The following TBX15 variants were observed in gnomAD, a reference collection of about 807,000 sequenced individuals.
TBX15 encodes T-box transcription factor TBX15.
In TBX15, 18 loss-of-function variants were observed where a neutral mutation model predicts 53.9. The observed-to-expected ratio is 0.33, with a 90% CI of 0.23 to 0.49. The LOEUF is 0.49. Ranked by LOEUF, TBX15 falls within the 20% of genes least tolerant of loss-of-function variation. TBX15 has a pLI of 0.98. For synonymous variants in TBX15, 295 were observed against 278.0 expected, an observed-to-expected ratio of 1.06 and a Z score of -0.61; for missense variants, 692 against 749.5, an observed-to-expected ratio of 0.92 and a Z score of 0.90.
At chr1:118,919,959 T>C (rs1303835594) in intron 5 of TBX15, among the ~76,000 whole-genome samples, 2 of 152,176 alleles carry the variant, frequency 1.3e-5, no homozygotes, top group African/African-American at 2.4e-5. Context: ...AAAGTACCCA[T>C]ATTTCTTTAT....
At chr1:118,979,135 G>C (rs1463869086) in intron 1 of TBX15, among the ~76,000 whole-genome samples, 1 of 152,184 alleles carries the variant, frequency 6.6e-6, no homozygotes, top group Non-Finnish European at 1.5e-5. Flanking sequence ...GTTCTTAAAA[G>C]AACGCAGTTA....
chr1:118,915,514 A>G (rs10802064), intron 5 of TBX15, among the ~76,000 whole-genome samples: 42,300 of 152,136 alleles, frequency 0.28, 6,296 homozygotes, highest in Non-Finnish European at 0.33. Flanking sequence ...ATTATGCAGC[A>G]CCAACAATGT....
intron 1 of TBX15, among the ~76,000 whole-genome samples, chr1:118,953,809 A>G (rs889603974): frequency 2.6e-5 from 4 of 152,236 alleles, no homozygotes; most frequent in Non-Finnish European, 2.9e-5. Context: ...AAAGGTAGAC[A>G]TTATTTCAGC....
At chr1:118,965,818 T>G (rs1245820899) in intron 1 of TBX15, among the ~76,000 whole-genome samples, 1 of 152,232 alleles carries the variant, frequency 6.6e-6, no homozygotes, top group East Asian at 1.9e-4. Flanking sequence ...TTATAAAGTC[T>G]AAAGTACTAT....
intron 2 of TBX15, among the ~76,000 whole-genome samples, 173 bp from the exon 3 acceptor site, chr1:118,926,784 C>A (rs1414386801): frequency 6.6e-6 from 1 of 152,122 alleles, no homozygotes; most frequent in Non-Finnish European, 1.5e-5. Flanking sequence ...TGGCTCACTG[C>A]CACCTCCACC....
At chr1:118,904,938 T>G (rs1324191554) in intron 6 of TBX15, among the ~76,000 whole-genome samples, 2 of 152,194 alleles carry the variant, frequency 1.3e-5, no homozygotes, top group African/African-American at 2.4e-5. Context: ...AGTCTGCCTA[T>G]CTGTAAAATG....
intron 7 of TBX15, among the ~76,000 whole-genome samples, chr1:118,890,023 G>C (rs975224099): frequency 1.3e-5 from 2 of 152,154 alleles, no homozygotes; most frequent in Non-Finnish European, 2.9e-5. Flanking sequence ...ATGGCTCTGC[G>C]GTGTTGGCCT....
chr1:118,884,622 A>C lies in TBX15; in HGVS notation c.*110T>G, dbSNP rs574621171. ...TTCGGCCAGAAAAAAAAAAAAAAAA[A>C]AAACACGGTTCCTGTTTTTCAAAGA... On this transcript the variant is annotated 3_prime_UTR_variant, in exon 8 of 8. Transcript: ENST00000369429. 2.0e-5 allele frequency: 28 copies of C among 1,376,600 alleles called. No homozygotes were observed. In the East Asian group the frequency reaches 3.1e-4, roughly 15 times the overall value. The allele number at this position is 1,376,600 out of a possible 1,614,324, so 85.3% of individuals were successfully genotyped here.
chr1:118,963,601 T>C (rs1365787383), intron 1 of TBX15, among the ~76,000 whole-genome samples: 1 of 152,212 alleles, frequency 6.6e-6, no homozygotes, highest in Non-Finnish European at 1.5e-5. Flanking sequence ...AAGCCATGTG[T>C]TGAGATGGTG....
In TBX15 at chr1:118,907,822, C is replaced by T. The variant is rs142343366; in HGVS notation, c.926+6293G>A. Among the ~76,000 whole-genome samples the T allele has an allele frequency of 1.9e-3, 292 of 152,246 alleles. 1 individual carries two copies. The highest frequency in any genetic ancestry group is 6.5e-3 in the African/African-American group (268 of 41,538). Reference sequence around the variant, plus strand: ...ACTGGGTGTCCTTTCTCAACCAAACCTCATTCTGCTTTAGCTCAGTCTCTG... The same window carrying T: ...ACTGGGTGTCCTTTCTCAACCAAACTTCATTCTGCTTTAGCTCAGTCTCTG... On this transcript the variant is annotated intron_variant, in intron 6 of 7. Coordinates refer to ENST00000369429, the MANE Select transcript of TBX15 (RefSeq NM_001330677.2).
intron 1 of TBX15, among the ~76,000 whole-genome samples, chr1:118,965,398 G>A (rs931635433): frequency 2.0e-5 from 3 of 152,126 alleles, no homozygotes; most frequent in Non-Finnish European, 4.4e-5. Context: ...CAAATACAAG[G>A]GTATTAGGTA....
chr1:118,921,098 G>C lies in TBX15; in HGVS notation c.861+2338C>G, dbSNP rs533545587. ...GAAAGCTGACACAGGAGGATGGCTTGATCCCAGGAGGCCAGGGCTGCAGTG... is the reference window on the plus strand; with the variant it reads ...GAAAGCTGACACAGGAGGATGGCTTCATCCCAGGAGGCCAGGGCTGCAGTG... On this transcript the variant is annotated intron_variant, in intron 5 of 7. Transcript: ENST00000369429. Among the ~76,000 whole-genome samples the C allele has an allele frequency of 2.6e-5, 4 of 152,144 alleles. No homozygotes were observed. The South Asian group carries it at 8.3e-4, about 32-fold the overall frequency.
chr1:118,884,910 CAGAGT>C lies in TBX15; in HGVS notation c.1626_1630del (p.Leu543PhefsTer26). The C allele has an allele frequency of 6.2e-7, 1 of 1,614,206 alleles. No individual in the cohort carries two copies. The highest frequency in any genetic ancestry group is 8.5e-7 in the Non-Finnish European group (1 of 1,180,030). Reference sequence around the variant, plus strand: ...AAAGGCCCCGTTGGAAGGAGAAGAACAGAGTAAAGTGCTTTGAGAGGCGCTCAGTT... The same window carrying C: ...AAAGGCCCCGTTGGAAGGAGAAGAACAAAGTGCTTTGAGAGGCGCTCAGTT... On this transcript the variant is annotated frameshift_variant, in exon 8 of 8. Transcript: ENST00000369429. LOFTEE classifies it high-confidence loss of function.
Position 118,958,682 on chromosome 1 carries a change from A to G in TBX15, c.206-26850T>C, listed in dbSNP as rs150781127. The stretch of plus-strand genomic sequence containing the variant: ...CATATTCCCACCAGCCCCACCTCCC[A>G]CCTCCCAGAGAAGTAGCTAAACCTC... On this transcript the variant is annotated intron_variant, in intron 1 of 7. Coordinates refer to ENST00000369429, the MANE Select transcript of TBX15 (RefSeq NM_001330677.2). 5.2e-3 allele frequency among the ~76,000 whole-genome samples: 783 copies of G among 151,678 alleles called. 5 individuals carry two copies. The highest frequency in any genetic ancestry group is 0.018 in the African/African-American group (750 of 41,302).
intron 1 of TBX15, among the ~76,000 whole-genome samples, chr1:118,952,170 A>G (rs1174021162): frequency 5.9e-5 from 9 of 152,218 alleles, no homozygotes; most frequent in Non-Finnish European, 1.3e-4. Context: ...TTTCTCTTCC[A>G]TGAGGTTTTC....
intron 7 of TBX15, among the ~76,000 whole-genome samples, chr1:118,894,085 G>A (rs1053221123): frequency 2.0e-5 from 3 of 152,172 alleles, no homozygotes; most frequent in African/African-American, 7.2e-5. Context: ...TAAGCACTAA[G>A]AAGGCAAGTG....
intron 1 of TBX15, among the ~76,000 whole-genome samples, chr1:118,939,521 G>A (rs1279198534): frequency 6.8e-6 from 1 of 148,052 alleles, no homozygotes; most frequent in Non-Finnish European, 1.5e-5. Flanking sequence ...ATAAATACAG[G>A]AACAACAGAC....
At chr1:118,907,726 T>C (rs1654885457) in intron 6 of TBX15, among the ~76,000 whole-genome samples, 1 of 152,200 alleles carries the variant, frequency 6.6e-6, no homozygotes, top group Non-Finnish European at 1.5e-5. Flanking sequence ...AGGATCTTTG[T>C]CTTCTCCTTG....
chr1:118,935,930 A>T (rs1655952181), intron 1 of TBX15, among the ~76,000 whole-genome samples: 1 of 152,172 alleles, frequency 6.6e-6, no homozygotes, highest in African/African-American at 2.4e-5. Context: ...TTGAAAACTA[A>T]CATGTACTAG....
Sources: allele counts gnomAD v4.1 joint callset (sites outside exome capture counted in the v4.1 genomes callset), GRCh38; gene constraint gnomAD v4.1.1; transcripts MANE v1.5; gene names NCBI Gene and HGNC (gene_info 2026-07-23, HGNC 2026-07-21).